GSR: variants seen among roughly 807,000 people sequenced by gnomAD.
GSR encodes glutathione reductase, mitochondrial.
In GSR, 48 loss-of-function variants were observed where a neutral mutation model predicts 56.5. The ratio of observed to expected loss-of-function variants is 0.85; its 90% CI spans 0.67 to 1.08. GSR has a LOEUF of 1.08. Among genes scored for constraint, GSR ranks in the 50% least tolerant of loss-of-function variants. The pLI is 0.00. For missense variants in GSR, 694 were observed against 703.3 expected (o/e 0.99, Z 0.15); for synonymous variants, 264 against 270.8 (o/e 0.97, Z 0.25).
In GSR at chr8:30,679,483, A is replaced by G. The variant is rs560445388; in HGVS notation, c.*37T>C. ...TTATTTGTTTCATTTCAGAAGATCT[A>G]TGGGTCCCACTGCCCGCCACACGTG... On this transcript the variant is annotated 3_prime_UTR_variant, in exon 13 of 13. Coordinates refer to ENST00000221130, the MANE Select transcript of GSR (RefSeq NM_000637.5). 34 of 1,596,858 alleles carry G rather than the reference A, an allele frequency of 2.1e-5. No individual in the cohort carries two copies. The East Asian group carries it at 6.7e-4, about 31-fold the overall frequency.
chr8:30,686,559 C>T (rs1043993209), intron 9 of GSR, among the ~76,000 whole-genome samples: 4 of 151,926 alleles, frequency 2.6e-5, no homozygotes, highest in Admixed American at 1.3e-4. Context: ...TGGTGGACCA[C>T]GCCTGTAGTT....
chr8:30,709,813 C>T lies in GSR; in HGVS notation c.422+1G>A. ...TGAACCCTCTGAGTGTTGACACTTACCGCCAATTGAATTTACCCTCACAAC... is the reference window on the plus strand; with the variant it reads ...TGAACCCTCTGAGTGTTGACACTTATCGCCAATTGAATTTACCCTCACAAC... On this transcript the variant is annotated splice_donor_variant, in intron 3 of 12. Transcript: ENST00000221130. LOFTEE classifies it high-confidence loss of function. The T allele has an allele frequency of 2.0e-6, 3 of 1,516,550 alleles. No individual in the cohort carries two copies. The highest frequency in any genetic ancestry group is 1.8e-6 in the Non-Finnish European group (2 of 1,091,636). The allele number at this position is 1,516,550 out of a possible 1,614,324, so 93.9% of individuals were successfully genotyped here. A position where few individuals can be genotyped will look rare whatever the true frequency, so the allele number is the denominator to read the frequency against.
intron 6 of GSR, among the ~76,000 whole-genome samples, chr8:30,697,738 G>A (rs771928937): frequency 2.6e-5 from 4 of 152,200 alleles, no homozygotes; most frequent in Non-Finnish European, 5.9e-5. Context: ...ACTCTGTGCA[G>A]AGACAATATC....
chr8:30,703,144 G>A lies in GSR; in HGVS notation c.589C>T (p.Leu197=), dbSNP rs1407891110. Residue 197 remains leucine (L), a synonymous_variant, in exon 5 of 13, where the codon CTG becomes TTG. Transcript: ENST00000221130. ...GAGGGCATACCACCTGTGGCGATCA[G>A]GATGTGTGGGGCGGTGTACTTTTTC... ...SGKKYTAPHI[L]IATGGMPSTP... is the part of the protein sequence containing the mutation. 6.2e-7 allele frequency: 1 copy of A among 1,614,028 alleles called. No homozygotes were observed. Among genetic ancestry groups the A allele is most frequent in the Non-Finnish European group, 8.5e-7 (1 of 1,180,016 alleles).
In GSR at chr8:30,679,304, C is replaced by T; in HGVS notation, c.*216G>A. The T allele has an allele frequency of 1.8e-6, 1 of 564,434 alleles. No individual in the cohort carries two copies. The highest frequency in any genetic ancestry group is 3.1e-6 in the Non-Finnish European group (1 of 319,022). The allele number at this position is 564,434 out of a possible 1,614,324, so 35.0% of individuals were successfully genotyped here. Reference sequence around the variant, plus strand: ...AAAAAAAACTTGAAAATATTAATTACTGTGAGATGTGATCAAATGAAAATC... The same window carrying T: ...AAAAAAAACTTGAAAATATTAATTATTGTGAGATGTGATCAAATGAAAATC... On this transcript the variant is annotated 3_prime_UTR_variant, in exon 13 of 13. Coordinates refer to ENST00000221130, the MANE Select transcript of GSR (RefSeq NM_000637.5).
chr8:30,683,513 T>C (rs1409779360), intron 10 of GSR, among the ~76,000 whole-genome samples: 2 of 152,104 alleles, frequency 1.3e-5, no homozygotes, highest in Non-Finnish European at 2.9e-5. Flanking sequence ...AATGACAATC[T>C]AGGCCATGTG....
intron 1 of GSR, among the ~76,000 whole-genome samples, chr8:30,714,518 A>C (rs1804262142): frequency 6.6e-6 from 1 of 151,720 alleles, no homozygotes; most frequent in African/African-American, 2.4e-5. Context: ...TTAAAAAAAA[A>C]TAAAAAATAT....
At chr8:30,690,524 T>A (rs1183703983) in intron 8 of GSR, among the ~76,000 whole-genome samples, 2 of 151,942 alleles carry the variant, frequency 1.3e-5, no homozygotes, top group African/African-American at 4.8e-5. Flanking sequence ...GTGGAGAAAA[T>A]AAATAGTTTA....
At chr8:30,709,247 C>T (rs191624423) in intron 3 of GSR, among the ~76,000 whole-genome samples, 2 of 152,124 alleles carry the variant, frequency 1.3e-5, no homozygotes, top group East Asian at 3.9e-4. Flanking sequence ...TGCCTGTAGT[C>T]CCAGCTACTC....
At chr8:30,691,611 G>T (rs1025162509) in intron 8 of GSR, among the ~76,000 whole-genome samples, 3 of 151,586 alleles carry the variant, frequency 2.0e-5, no homozygotes, top group African/African-American at 7.3e-5. Context: ...AATCTAGGAG[G>T]CAGAGGTTGC....
At chr8:30,709,693 A>G in intron 3 of GSR, 121 bp downstream of exon 3, 1 of 713,666 alleles carries the variant, frequency 1.4e-6, no homozygotes. Context: ...GCTAAACTGT[A>G]AATCTCGTAT....
intron 5 of GSR, among the ~76,000 whole-genome samples, chr8:30,701,717 C>T (rs145236796): frequency 0.056 from 8,283 of 148,922 alleles, 279 homozygotes; most frequent in South Asian, 0.17. Context: ...TGCTTAAACC[C>T]GGGAGGCAGA....
intron 2 of GSR, among the ~76,000 whole-genome samples, chr8:30,710,714 C>CAAAAAAAAAAAAAAAAAAAAAAAAA (rs60532553): frequency 2.0e-5 from 1 of 51,036 alleles, no homozygotes; most frequent in African/African-American, 6.6e-5. Flanking sequence ...GACTCTGTCT[C>CAAAAAAAAAAAAAAAAAAAAAAAAA]AAAAAAAAAA....
chr8:30,720,939 C>T (rs146597765), intron 1 of GSR, among the ~76,000 whole-genome samples: 1 of 152,064 alleles, frequency 6.6e-6, no homozygotes, highest in East Asian at 1.9e-4. Flanking sequence ...GCCTGGACAA[C>T]ACAGCGAGAC....
chr8:30,700,009 A>G (rs1803675072), intron 6 of GSR, 72 bp downstream of exon 6: 1 of 1,041,806 alleles, frequency 9.6e-7, no homozygotes, highest in Non-Finnish European at 1.5e-6. Flanking sequence ...GCTTGGGAGG[A>G]GAAGACGAAG....
At chr8:30,680,015 T>C (rs753674448) in intron 12 of GSR, among the ~76,000 whole-genome samples, 20 of 152,104 alleles carry the variant, frequency 1.3e-4, no homozygotes, top group Admixed American at 3.9e-4. Context: ...GATATTGTGA[T>C]CTTAATTGAA....
In GSR at chr8:30,727,696, C is replaced by T. The variant is rs1389084882; in HGVS notation, c.140G>A (p.Arg47Lys). ...TRALSRAMAC[R>K]QEPQPQGPPP... The stretch of plus-strand genomic sequence containing the variant: ...CGGGCCCTGCGGCTGCGGCTCCTGC[C>T]TGCAGGCCATGGCACGGGAGAGGGC... Residue 47 changes from arginine to lysine, a missense_variant, in exon 1 of 13, where the codon AGG becomes AAG. Coordinates refer to ENST00000221130, the MANE Select transcript of GSR (RefSeq NM_000637.5). The T allele has an allele frequency of 1.4e-6, 2 of 1,436,836 alleles. No homozygotes were observed. Among genetic ancestry groups the T allele is most frequent in the East Asian group, 3.0e-5 (1 of 33,806 alleles). The allele number at this position is 1,436,836 out of a possible 1,614,324, so 89.0% of individuals were successfully genotyped here.
intron 8 of GSR, among the ~76,000 whole-genome samples, chr8:30,690,502 T>C (rs1027822637): frequency 6.6e-6 from 1 of 151,948 alleles, no homozygotes; most frequent in Non-Finnish European, 1.5e-5. Flanking sequence ...AAGTAAGACT[T>C]GGGTTTGGAG....
At chr8:30,709,666 T>C (rs1804039277) in intron 3 of GSR, 148 bp downstream of exon 3, 5 of 693,254 alleles carry the variant, frequency 7.2e-6, no homozygotes, top group Non-Finnish European at 1.1e-5. Flanking sequence ...TGGCACTCAA[T>C]TGTATACTTA....
Sources: allele counts gnomAD v4.1 joint callset (sites outside exome capture counted in the v4.1 genomes callset), GRCh38; gene constraint gnomAD v4.1.1; transcripts MANE v1.5; gene names NCBI Gene and HGNC (gene_info 2026-07-23, HGNC 2026-07-21).